CACNA1D: variants seen among roughly 807,000 people sequenced by gnomAD.
The protein encoded by CACNA1D is calcium voltage-gated channel subunit alpha1 D, also known as voltage-dependent L-type calcium channel subunit alpha-1D.
In CACNA1D, 55 loss-of-function variants were observed where a neutral mutation model predicts 257.1. The ratio of observed to expected loss-of-function variants is 0.21; its 90% CI spans 0.17 to 0.27. The LOEUF (loss-of-function observed/expected upper bound fraction) is 0.27. Among genes scored for constraint, CACNA1D ranks in the 10% least tolerant of loss-of-function variants. The probability of loss-of-function intolerance (pLI) is 1.00; values close to 1 mark genes in which losing one functional copy is unlikely to be tolerated. For synonymous variants in CACNA1D, 980 were observed against 1,014.9 expected (o/e 0.97, Z 0.65); for missense variants, 1,876 against 2,784.0 (o/e 0.67, Z 7.34).
intron 8 of CACNA1D, among the ~76,000 whole-genome samples, chr3:53,682,376 A>AC (rs1467700610): frequency 7.2e-6 from 1 of 138,112 alleles, no homozygotes; most frequent in African/African-American, 2.9e-5. Flanking sequence ...AAAAAAAAAA[A>AC]AAAAAAAAAA....
In CACNA1D at chr3:53,754,507, A is replaced by G. The variant is rs116702355; in HGVS notation, c.3786+825A>G. Among the ~76,000 whole-genome samples, 814 of 152,348 alleles carry G rather than the reference A, an allele frequency of 5.3e-3. 9 individuals are homozygous for G. Among genetic ancestry groups the G allele is most frequent in the African/African-American group, 0.018 (739 of 41,576 alleles). ...GTTTCATGGGGTTGTCATGAGGAGT[A>G]AAGAGTTCCCATATACGCACTGCTT... On this transcript the variant is annotated intron_variant, in intron 29 of 47. Coordinates refer to ENST00000350061, the MANE Select transcript of CACNA1D (RefSeq NM_001128840.3).
chr3:53,656,494 G>T (rs1319031492), intron 4 of CACNA1D, among the ~76,000 whole-genome samples: 1 of 151,994 alleles, frequency 6.6e-6, no homozygotes, highest in Non-Finnish European at 1.5e-5. Context: ...AGAAAATATT[G>T]GATAAAATCT....
chr3:53,744,209 C>T (rs1206182263), intron 22 of CACNA1D, among the ~76,000 whole-genome samples: 4 of 151,822 alleles, frequency 2.6e-5, no homozygotes, highest in African/African-American at 7.3e-5. Flanking sequence ...CCACCCCCAC[C>T]CCAGAGTCCT....
chr3:53,695,394 C>T (rs1576377467), intron 8 of CACNA1D, among the ~76,000 whole-genome samples: 2 of 152,316 alleles, frequency 1.3e-5, no homozygotes, highest in South Asian at 4.1e-4. Context: ...CTTCTTCCTT[C>T]ATATGGCAGC....
intron 3 of CACNA1D, among the ~76,000 whole-genome samples, chr3:53,521,146 C>A (rs1405873026): frequency 6.6e-6 from 1 of 151,986 alleles, no homozygotes; most frequent in Admixed American, 6.6e-5. Flanking sequence ...CTCAAGCAAT[C>A]CTCCTGCCTC....
chr3:53,780,307 C>T (rs536678990), intron 38 of CACNA1D, among the ~76,000 whole-genome samples, 179 bp downstream of exon 38: 4 of 152,382 alleles, frequency 2.6e-5, no homozygotes, highest in African/African-American at 4.8e-5. Flanking sequence ...CCTGTTTCCT[C>T]ATCCTTTATC....
intron 3 of CACNA1D, among the ~76,000 whole-genome samples, chr3:53,520,320 T>A (rs1559783939): frequency 6.6e-6 from 1 of 152,252 alleles, no homozygotes; most frequent in Non-Finnish European, 1.5e-5. Flanking sequence ...TCTATCTTTT[T>A]AATTATAGCC....
chr3:53,767,644 G>T (rs1408115118), intron 30 of CACNA1D, among the ~76,000 whole-genome samples: 3 of 149,214 alleles, frequency 2.0e-5, no homozygotes, highest in Non-Finnish European at 3.0e-5. Context: ...AATCCCTGGG[G>T]TGGGACCTGG....
At chr3:53,643,864 A>G (rs1303016241) in intron 3 of CACNA1D, among the ~76,000 whole-genome samples, 1 of 152,058 alleles carries the variant, frequency 6.6e-6, no homozygotes, top group African/African-American at 2.4e-5. Context: ...CCTCTTCTGG[A>G]TGGAACACCC....
At chr3:53,584,147 T>C (rs2093176400) in intron 3 of CACNA1D, among the ~76,000 whole-genome samples, 1 of 152,150 alleles carries the variant, frequency 6.6e-6, no homozygotes, top group Non-Finnish European at 1.5e-5. Context: ...TCTCTTTCAT[T>C]CAGTAGCTCA....
In CACNA1D at chr3:53,776,727, C is replaced by G; in HGVS notation, c.4487C>G (p.Ala1496Gly). 1.2e-6 allele frequency: 2 copies of G among 1,614,152 alleles called. No individual in the cohort carries two copies. The highest frequency in any genetic ancestry group is 1.7e-6 in the Non-Finnish European group (2 of 1,180,034). Residue 1496 changes from alanine (A) to glycine (G), a missense_variant, in exon 36 of 48, where the codon GCA becomes GGA. Transcript: ENST00000350061. The part of the protein sequence containing the change: ...KRIWSEYDPE[A>G]KGRIKHLDVV... ...ATATGGTCAGAATATGACCCTGAGG[C>G]AAAGTAGGTTGAAAAATATTTGATT...
At position 53,803,426 on chromosome 3, in the gene CACNA1D, C is replaced by T. The variant is rs761519681; in HGVS notation, c.5439C>T (p.Ser1813=). Residue 1813 remains serine, a synonymous_variant, in exon 44 of 48, where the codon TCC becomes TCT. Transcript: ENST00000350061. ...RTRYYETYIR[S]DSGDEQLPTI... is the part of the protein sequence containing the mutation. ...AGATCCTCTCTCCCAACTGCAGGTCCGACTCAGGAGATGAACAGCTCCCAA... is the reference window on the plus strand; with the variant it reads ...AGATCCTCTCTCCCAACTGCAGGTCTGACTCAGGAGATGAACAGCTCCCAA... 205 of 1,614,068 alleles carry T rather than the reference C, an allele frequency of 1.3e-4. 1 individual carries two copies. In the East Asian group the frequency reaches 3.2e-3, roughly 25 times the overall value.
At chr3:53,753,105 C>T (rs1159814051) in intron 28 of CACNA1D, among the ~76,000 whole-genome samples, 17 of 152,104 alleles carry the variant, frequency 1.1e-4, no homozygotes, top group Admixed American at 1.1e-3. Context: ...TTTTTCTTAA[C>T]CTAAGAGTTC....
At chr3:53,724,738 T>C (rs762588210) in intron 14 of CACNA1D, among the ~76,000 whole-genome samples, 79 of 152,320 alleles carry the variant, frequency 5.2e-4, no homozygotes, top group Non-Finnish European at 8.2e-4. Flanking sequence ...TGCAGAGCCC[T>C]GCCAGAGAGG....
chr3:53,751,597 G>C lies in CACNA1D; in HGVS notation c.3517-152G>C. ...CGGTGACTCAAGAGTGGTGCCAGCA[G>C]CAGGAAGGGGGTCACTCGTAATCAT... On this transcript the variant is annotated intron_variant, in intron 27 of 47. Transcript: ENST00000350061. This position sits in a 1 kb window ranked among gnomAD's most constrained non-coding sequence, Gnocchi z 4.3. 1 of 773,292 alleles carries C rather than the reference G, an allele frequency of 1.3e-6. No homozygotes were observed. Among genetic ancestry groups the C allele is most frequent in the Non-Finnish European group, 2.2e-6 (1 of 449,850 alleles). The allele number at this position is 773,292 out of a possible 1,614,324, so 47.9% of individuals were successfully genotyped here.
intron 3 of CACNA1D, among the ~76,000 whole-genome samples, chr3:53,598,550 A>T (rs1204893609): frequency 6.6e-6 from 1 of 150,982 alleles, no homozygotes; most frequent in African/African-American, 2.4e-5. Flanking sequence ...GCACCACTGC[A>T]CTCCAACCTG....
At chr3:53,720,335 C>T (rs528000959) in intron 11 of CACNA1D, among the ~76,000 whole-genome samples, 1 of 152,286 alleles carries the variant, frequency 6.6e-6, no homozygotes, top group Admixed American at 6.5e-5. Context: ...AGGAGAAAGT[C>T]TTTGTGATCT....
rs115629701 is a variant in CACNA1D at position 53,561,511 on chromosome 3, C to T, written c.483+59791C>T. 5.3e-3 allele frequency among the ~76,000 whole-genome samples: 809 copies of T among 152,280 alleles called. 11 individuals are homozygous for T. Among genetic ancestry groups the T allele is most frequent in the African/African-American group, 0.019 (776 of 41,536 alleles). On this transcript the variant is annotated intron_variant, in intron 3 of 47. Coordinates refer to ENST00000350061, the MANE Select transcript of CACNA1D (RefSeq NM_001128840.3). ...AGCGACTTTGGAAAGAGATGGTACA[C>T]CTTGTCATTGGAGGGCTGTGGGGAG...
Position 53,774,746 on chromosome 3 carries a change from G to A in CACNA1D, c.4202+68G>A, listed in dbSNP as rs947116866. The A allele has an allele frequency of 1.3e-5, 11 of 856,888 alleles. No individual in the cohort carries two copies. Among genetic ancestry groups the A allele is most frequent in the East Asian group, 9.7e-5 (4 of 41,380 alleles). 53.1% of individuals were successfully genotyped at this position (856,888 alleles called of 1,614,324 possible). On this transcript the variant is annotated intron_variant, in intron 34 of 47. Coordinates refer to ENST00000350061, the MANE Select transcript of CACNA1D (RefSeq NM_001128840.3). The surrounding 1 kb of genome is among the most constrained non-coding windows in gnomAD (Gnocchi z 4.3). Reference sequence around the variant, plus strand: ...CCGCTAGGCGTGGGTCCAGAGGGACGGAGGACACAGGTTATTAAAGCAGTG... The same window carrying A: ...CCGCTAGGCGTGGGTCCAGAGGGACAGAGGACACAGGTTATTAAAGCAGTG...
Sources: gnomAD v4.1 joint callset for allele counts (sites outside exome capture counted in the v4.1 genomes callset) on GRCh38, gnomAD v4.1.1 for gene constraint, Gnocchi (gnomAD v3.1) non-coding constraint, MANE v1.5 for transcripts, NCBI Gene and HGNC (gene_info 2026-07-23, HGNC 2026-07-21) for gene names.